DNMT3B: variants seen among roughly 807,000 people sequenced by gnomAD.
The protein encoded by DNMT3B is DNA methyltransferase 3 beta.
In DNMT3B, 37 loss-of-function variants were observed where a neutral mutation model predicts 120.2. The ratio of observed to expected loss-of-function variants is 0.31; its 90% CI spans 0.24 to 0.40. The LOEUF is 0.40. Ranked by LOEUF, DNMT3B falls within the 10% of genes least tolerant of loss-of-function variation. The pLI is 1.00. For synonymous variants in DNMT3B, 412 were observed against 442.8 expected, an observed-to-expected ratio of 0.93 and a Z score of 0.87; for missense variants, 878 against 1,137.3, an observed-to-expected ratio of 0.77 and a Z score of 3.28.
At chr20:32,797,066 A>G (rs1372619107) in intron 13 of DNMT3B, 121 bp from the exon 14 acceptor site, 2 of 1,604,786 alleles carry the variant, frequency 1.2e-6, no homozygotes, top group African/African-American at 2.7e-5. Context: ...TGTCCTTTTA[A>G]AGGACACCAA....
At chr20:32,806,127 A>G (rs944207639) in intron 21 of DNMT3B, 82 bp from the exon 22 acceptor site, 1 of 1,319,100 alleles carries the variant, frequency 7.6e-7, no homozygotes, top group Non-Finnish European at 1.1e-6. Flanking sequence ...TCTCCCCTCC[A>G]TCTTTCCCAG....
At chr20:32,776,127 G>T (rs1397133681) in intron 1 of DNMT3B, among the ~76,000 whole-genome samples, 1 of 152,148 alleles carries the variant, frequency 6.6e-6, no homozygotes, top group African/African-American at 2.4e-5. Flanking sequence ...TACTCGGGAG[G>T]CTGAGGCAGG....
chr20:32,781,447 A>C (rs1978615736), intron 3 of DNMT3B, 33 bp downstream of exon 3: 1 of 1,613,132 alleles, frequency 6.2e-7, no homozygotes, highest in Non-Finnish European at 8.5e-7. Context: ...TTCAGGGCTC[A>C]GGGACTTTGT....
intron 3 of DNMT3B, among the ~76,000 whole-genome samples, chr20:32,784,357 C>A (rs1979001586): frequency 6.6e-6 from 1 of 152,174 alleles, no homozygotes; most frequent in South Asian, 2.1e-4. Context: ...CTTGATGTAA[C>A]CCTGTTGTGC....
intron 10 of DNMT3B, among the ~76,000 whole-genome samples, chr20:32,794,639 T>C (rs1351980914): frequency 6.6e-6 from 1 of 152,182 alleles, no homozygotes; most frequent in African/African-American, 2.4e-5. Context: ...CCCTCCAGCC[T>C]GGGCAACAAG....
intron 1 of DNMT3B, among the ~76,000 whole-genome samples, chr20:32,775,710 A>G (rs1285317314): frequency 1.3e-5 from 2 of 152,260 alleles, no homozygotes; most frequent in African/African-American, 4.8e-5. Context: ...CAGCTGGTAT[A>G]TCATGTCCCA....
At chr20:32,797,969 C>T (rs1229235489) in intron 14 of DNMT3B, among the ~76,000 whole-genome samples, 1 of 152,114 alleles carries the variant, frequency 6.6e-6, no homozygotes, top group East Asian at 1.9e-4. Flanking sequence ...ATCCACCGTG[C>T]CTGGCCTATT....
chr20:32,783,576 A>G (rs780926232), intron 3 of DNMT3B, among the ~76,000 whole-genome samples: 1 of 151,820 alleles, frequency 6.6e-6, no homozygotes, highest in Non-Finnish European at 1.5e-5. Flanking sequence ...GTGGTGGCCA[A>G]CCTACTTAGG....
At chr20:32,807,364 T>G (rs901121048) in intron 22 of DNMT3B, among the ~76,000 whole-genome samples, 3 of 152,214 alleles carry the variant, frequency 2.0e-5, no homozygotes, top group Non-Finnish European at 4.4e-5. Flanking sequence ...AAAACTCTGG[T>G]TGCCTGAGCC....
At chr20:32,768,372 A>G (rs1987515280) in intron 1 of DNMT3B, among the ~76,000 whole-genome samples, 1 of 151,982 alleles carries the variant, frequency 6.6e-6, no homozygotes, top group Admixed American at 6.6e-5. Flanking sequence ...TTGTATTTTT[A>G]GTAGAGATGG....
intron 1 of DNMT3B, among the ~76,000 whole-genome samples, chr20:32,768,747 C>A (rs573941954): frequency 6.6e-6 from 1 of 152,130 alleles, no homozygotes; most frequent in South Asian, 2.1e-4. Flanking sequence ...AGCTACAGGC[C>A]CCCGCTCTTT....
chr20:32,792,678 T>G lies in DNMT3B; in HGVS notation c.974T>G (p.Leu325Trp). The change falls in exon 9 of 23, where the codon TTG becomes TGG. Residue 325 changes from leucine (L) to tryptophan (W), a missense_variant. This residue lies in a region of DNMT3B where 207 missense variants were observed against 222.6 expected (regional missense o/e 0.93). Transcript: ENST00000328111. ...TTCCCCAGCAGCCCTGGAGACTCAT[T>G]GGAGGACCAGCTGAAGCCCATGTTG... ...KTFPSSPGDS[L>W]EDQLKPMLEW... is the part of the protein sequence containing the mutation. The G allele has an allele frequency of 6.2e-7, 1 of 1,614,224 alleles. No individual in the cohort carries two copies. The highest frequency in any genetic ancestry group is 1.1e-5 in the South Asian group (1 of 91,082).
At chr20:32,772,368 G>A (rs1240055387) in intron 1 of DNMT3B, among the ~76,000 whole-genome samples, 1 of 151,722 alleles carries the variant, frequency 6.6e-6, no homozygotes, top group African/African-American at 2.4e-5. Context: ...GTAGACTTGA[G>A]ATTTAAGGCG....
chr20:32,806,208 G>A lies in DNMT3B; in HGVS notation c.2302-1G>A. 1 of 1,614,030 alleles carries A rather than the reference G, an allele frequency of 6.2e-7. No individual in the cohort carries two copies. Among genetic ancestry groups the A allele is most frequent in the Non-Finnish European group, 8.5e-7 (1 of 1,179,914 alleles). On this transcript the variant is annotated splice_acceptor_variant, in intron 21 of 22. Coordinates refer to ENST00000328111, the MANE Select transcript of DNMT3B (RefSeq NM_006892.4). LOFTEE classifies it high-confidence loss of function. ...CTCCATGATGTCATTTTGTTCTCCA[G>A]TTAAAGAAAGTACAGACAATAACCA...
intron 15 of DNMT3B, 139 bp downstream of exon 15, chr20:32,798,782 G>A (rs191366413): frequency 4.2e-4 from 533 of 1,262,454 alleles, no homozygotes; most frequent in Non-Finnish European, 4.7e-4. Context: ...GAGACCTGGC[G>A]AATTGCCAGC....
chr20:32,762,617 C>A lies in DNMT3B; in HGVS notation c.-89C>A. On this transcript the variant is annotated 5_prime_UTR_variant, in exon 1 of 23. Coordinates refer to ENST00000328111, the MANE Select transcript of DNMT3B (RefSeq NM_006892.4). ...GGAGATTCGCGAGCCCAGCGCCCTG[C>A]ACGGCCGCCAGCCGGCCTCCCGCCA... 3.5e-6 allele frequency: 1 copy of A among 286,752 alleles called. No homozygotes were observed. The allele number at this position is 286,752 out of a possible 1,614,324, so 17.8% of individuals were successfully genotyped here. A position where few individuals can be genotyped will look rare whatever the true frequency, so the allele number is the denominator to read the frequency against.
Position 32,808,747 on chromosome 20 carries a change from AG to A in DNMT3B, c.*846del, listed in dbSNP as rs1336862548. ...GCTCCTCCATATCTCCCTCTTCCCT[AG>A]GAGAGGAGTGTGAAGCAAGGAGCTT... On this transcript the variant is annotated 3_prime_UTR_variant, in exon 23 of 23. Coordinates refer to ENST00000328111, the MANE Select transcript of DNMT3B (RefSeq NM_006892.4). 4.4e-6 allele frequency: 1 copy of A among 228,830 alleles called. No individual in the cohort carries two copies. The highest frequency in any genetic ancestry group is 8.7e-6 in the Non-Finnish European group (1 of 115,418). 14.2% of individuals were successfully genotyped at this position (228,830 alleles called of 1,614,324 possible).
intron 19 of DNMT3B, among the ~76,000 whole-genome samples, chr20:32,802,094 G>A (rs564986943): frequency 2.6e-5 from 4 of 152,184 alleles, no homozygotes; most frequent in African/African-American, 7.2e-5. Context: ...GCTGAGGTTG[G>A]AGGATCACTT....
At position 32,771,698 on chromosome 20, in the gene DNMT3B, A is replaced by G. The variant is rs576634443; in HGVS notation, c.-6-8620A>G. On this transcript the variant is annotated intron_variant, in intron 1 of 22. Transcript: ENST00000328111. ...ACCAAACAAAAGTGAGCCTCAAAAC[A>G]TATTACATATATATGGGAAGTTCAA... 5.7e-4 allele frequency among the ~76,000 whole-genome samples: 86 copies of G among 152,146 alleles called. 1 individual carries two copies. The highest frequency in any genetic ancestry group is 2.0e-3 in the African/African-American group (84 of 41,508).
Sources: gnomAD v4.1 joint callset for allele counts (sites outside exome capture counted in the v4.1 genomes callset) on GRCh38, gnomAD v4.1.1 for gene constraint, gnomAD v4.1.1 regional missense constraint, MANE v1.5 for transcripts, NCBI Gene and HGNC (gene_info 2026-07-23, HGNC 2026-07-21) for gene names.